The following FBXW7 variants were observed in gnomAD, a reference collection of about 807,000 sequenced individuals.
FBXW7 encodes the protein F-box and WD repeat domain containing 7, also known as F-box/WD repeat-containing protein 7.
In FBXW7, 11 loss-of-function variants were observed where a neutral mutation model predicts 86.3. That is an observed-to-expected ratio of 0.13 (90% CI 0.08 to 0.21). FBXW7 has a LOEUF of 0.21. Among genes scored for constraint, FBXW7 ranks in the 10% least tolerant of loss-of-function variants. FBXW7 has a pLI of 1.00. For synonymous variants in FBXW7, 313 were observed against 297.9 expected (o/e 1.05, Z -0.52); for missense variants, 488 against 847.4 (o/e 0.58, Z 5.27).
Position 152,323,168 on chromosome 4 carries a change from A to T in FBXW7, c.1856-19T>A, listed in dbSNP as rs2126467130. The T allele has an allele frequency of 1.9e-6, 3 of 1,607,510 alleles. No individual in the cohort carries two copies. The highest frequency in any genetic ancestry group is 2.6e-6 in the Non-Finnish European group (3 of 1,175,418). On this transcript the variant is annotated intron_variant, in intron 13 of 13. Coordinates refer to ENST00000281708, the MANE Select transcript of FBXW7 (RefSeq NM_001349798.2). ...TTGGGACCTAGACAAAAACCAAAAGAATTTAATTACTGGTTAGAAATAATG... is the reference window on the plus strand; with the variant it reads ...TTGGGACCTAGACAAAAACCAAAAGTATTTAATTACTGGTTAGAAATAATG...
intron 2 of FBXW7, among the ~76,000 whole-genome samples, chr4:152,424,933 C>T (rs1739249867): frequency 6.6e-6 from 1 of 152,200 alleles, no homozygotes; most frequent in South Asian, 2.1e-4. Flanking sequence ...CTGGTTGAGA[C>T]ATCAACTGAC....
intron 2 of FBXW7, among the ~76,000 whole-genome samples, chr4:152,527,110 T>G (rs1480638986): frequency 1.3e-5 from 2 of 152,250 alleles, no homozygotes; most frequent in East Asian, 1.9e-4. Context: ...GAGCTTTGCA[T>G]GCTTTATATT....
intron 7 of FBXW7, among the ~76,000 whole-genome samples, chr4:152,336,975 T>C (rs1730192131): frequency 6.6e-6 from 1 of 152,012 alleles, no homozygotes; most frequent in Non-Finnish European, 1.5e-5. Flanking sequence ...AGCTGACATA[T>C]AACTAGGGGC....
At chr4:152,348,736 T>G (rs747015953) in intron 5 of FBXW7, 1 of 1,151,768 alleles carries the variant, frequency 8.7e-7, no homozygotes, top group South Asian at 1.4e-5. Context: ...GCATTAACAG[T>G]TAGTTTAACA....
chr4:152,445,414 A>T (rs1380481392), intron 2 of FBXW7, among the ~76,000 whole-genome samples: 1 of 152,216 alleles, frequency 6.6e-6, no homozygotes, highest in Non-Finnish European at 1.5e-5. Flanking sequence ...CATTATACTT[A>T]TCAGAAATTT....
chr4:152,339,922 CAAA>C (rs1227838925), intron 6 of FBXW7, among the ~76,000 whole-genome samples: 71 of 66,326 alleles, frequency 1.1e-3, no homozygotes, highest in East Asian at 3.8e-3. Flanking sequence ...GGCTTTGTCT[CAAA>C]AAAAAAAAAA....
At chr4:152,345,176 C>T (rs572498041) in intron 6 of FBXW7, among the ~76,000 whole-genome samples, 8 of 151,834 alleles carry the variant, frequency 5.3e-5, no homozygotes, top group African/African-American at 7.3e-5. Flanking sequence ...CTCTTATTGA[C>T]GGATAAATTT....
intron 4 of FBXW7, among the ~76,000 whole-genome samples, chr4:152,395,557 G>A (rs1248372108): frequency 6.6e-6 from 1 of 151,992 alleles, no homozygotes. Flanking sequence ...TTAAAATGAG[G>A]TCAATTCATT....
chr4:152,463,876 A>C (rs1266716610), intron 2 of FBXW7, among the ~76,000 whole-genome samples: 1 of 152,258 alleles, frequency 6.6e-6, no homozygotes, highest in Non-Finnish European at 1.5e-5. Context: ...ATAAAAGAAG[A>C]AAGCAGTAAC....
chr4:152,381,806 C>T (rs534904882), intron 4 of FBXW7, among the ~76,000 whole-genome samples: 5 of 152,194 alleles, frequency 3.3e-5, no homozygotes, highest in South Asian at 2.1e-4. Flanking sequence ...CACTTTTTAA[C>T]GAATGAAATG....
rs57047792 is a variant in FBXW7, at chr4:152,329,782, G to A, written c.1126C>T (p.Leu376=). The change falls in exon 10 of 14, where the codon CTG becomes TTG. Residue 376 remains leucine (L), a synonymous_variant. Transcript: ENST00000281708. ...RRGELKSPKV[L]KGHDDHVITC... is the part of the protein sequence containing the mutation. ...ATCACATGATCATCATGTCCTTTCA[G>A]CACCTATAAGAAAGATGTGCAGATT... The A allele has an allele frequency of 1.3e-6, 2 of 1,538,102 alleles. No individual in the cohort carries two copies. Among genetic ancestry groups the A allele is most frequent in the Non-Finnish European group, 8.8e-7 (1 of 1,141,322 alleles).
chr4:152,373,008 G>T, intron 4 of FBXW7, among the ~76,000 whole-genome samples: 1 of 151,950 alleles, frequency 6.6e-6, no homozygotes. Context: ...GTTGGGAAAG[G>T]TGAGAATTAC....
At chr4:152,375,682 G>A (rs1454422929) in intron 4 of FBXW7, among the ~76,000 whole-genome samples, 1 of 152,066 alleles carries the variant, frequency 6.6e-6, no homozygotes, top group African/African-American at 2.4e-5. Flanking sequence ...CAATGATACA[G>A]TATCAGCTAA....
chr4:152,375,546 C>T (rs561168580), intron 4 of FBXW7, among the ~76,000 whole-genome samples: 6 of 151,900 alleles, frequency 3.9e-5, no homozygotes, highest in South Asian at 4.2e-4. Context: ...TCACTATGAG[C>T]GACAAATAAT....
chr4:152,344,299 G>C (rs1731041309), intron 6 of FBXW7, among the ~76,000 whole-genome samples: 1 of 152,142 alleles, frequency 6.6e-6, no homozygotes, highest in Non-Finnish European at 1.5e-5. Context: ...GTGTGTCAGA[G>C]ACAGACATGG....
At chr4:152,329,892 T>C (rs1729392604) in intron 9 of FBXW7, 107 bp from the exon 10 acceptor site, 2 of 504,796 alleles carry the variant, frequency 4.0e-6, no homozygotes, top group Non-Finnish European at 6.7e-6. Flanking sequence ...ATTTGTAGTC[T>C]ATCTCTAGAA....
chr4:152,471,625 G>A (rs537010729), intron 2 of FBXW7, among the ~76,000 whole-genome samples: 16 of 151,874 alleles, frequency 1.1e-4, no homozygotes, highest in African/African-American at 2.9e-4. Context: ...AATGACTGGC[G>A]CAGTGGCTCA....
chr4:152,426,415 T>C (rs190843403), intron 2 of FBXW7, among the ~76,000 whole-genome samples: 195 of 151,254 alleles, frequency 1.3e-3, no homozygotes, highest in African/African-American at 4.4e-3. Flanking sequence ...AGTGGCACAA[T>C]CTCGACTCAC....
At chr4:152,342,545 A>C (rs1303914216) in intron 6 of FBXW7, among the ~76,000 whole-genome samples, 1 of 152,168 alleles carries the variant, frequency 6.6e-6, no homozygotes, top group Non-Finnish European at 1.5e-5. Context: ...ACTGGTCTGG[A>C]TGATCTTTAG....
Sources: allele counts gnomAD v4.1 joint callset (sites outside exome capture counted in the v4.1 genomes callset), GRCh38; gene constraint gnomAD v4.1.1; transcripts MANE v1.5; gene names NCBI Gene and HGNC (gene_info 2026-07-23, HGNC 2026-07-21).